HTT: variants seen among roughly 807,000 people sequenced by gnomAD.
HTT encodes huntington disease protein.
In HTT, 104 loss-of-function variants were observed where a neutral mutation model predicts 362.3. The observed-to-expected ratio is 0.29, with a 90% confidence interval of 0.24 to 0.34. The LOEUF (loss-of-function observed/expected upper bound fraction) is 0.34. HTT is among the 10% of genes least tolerant of loss of function. The pLI is 1.00. For synonymous variants in HTT, 1,577 were observed against 1,548.7 expected (o/e 1.02, Z -0.43); for missense variants, 3,301 against 3,928.6 (o/e 0.84, Z 4.27).
Position 3,212,607 on chromosome 4 carries a change from C to G in HTT, c.6672C>G (p.Ala2224=). The part of the protein sequence containing the change: ...LYQSLPTLAR[A]LAQYLVVVSK... ...AGTCCCTGCCCACTCTGGCCCGGGCCCTGGCACAGTACCTGGTGGTGGTCT... is the reference window on the plus strand; with the variant it reads ...AGTCCCTGCCCACTCTGGCCCGGGCGCTGGCACAGTACCTGGTGGTGGTCT... Residue 2224 remains alanine, a synonymous_variant, in exon 49 of 67, where the codon GCC becomes GCG. Coordinates refer to ENST00000355072, the MANE Select transcript of HTT (RefSeq NM_001388492.1). The G allele has an allele frequency of 6.2e-7, 1 of 1,614,220 alleles. No homozygotes were observed. Among genetic ancestry groups the G allele is most frequent in the Non-Finnish European group, 8.5e-7 (1 of 1,180,046 alleles).
At chr4:3,143,454 AAG>A (rs1560567074) in intron 23 of HTT, among the ~76,000 whole-genome samples, 1 of 150,658 alleles carries the variant, frequency 6.6e-6, no homozygotes, top group Non-Finnish European at 1.5e-5. Flanking sequence ...AAAAAAAAAA[AAG>A]AAAAGAAAAA....
At position 3,074,920 on chromosome 4, in the gene HTT, AGC is replaced by A. The variant is rs750382879; in HGVS notation, c.96_97del (p.Gln33AlafsTer49). The stretch of plus-strand genomic sequence containing the variant: ...CAGCAGCAGCAGCAGCAGCAGCAGC[AGC>A]AGCAGCAGCAGCAACAGCCGCCACC... On this transcript the variant is annotated frameshift_variant, in exon 1 of 67. Coordinates refer to ENST00000355072, the MANE Select transcript of HTT (RefSeq NM_001388492.1). LOFTEE classifies it high-confidence loss of function. 2,413 of 1,477,916 alleles carry A rather than the reference AGC, an allele frequency of 1.6e-3. 4 individuals are homozygous for A. The highest frequency in any genetic ancestry group is 7.2e-3 in the African/African-American group (476 of 66,556). 91.6% of individuals were successfully genotyped at this position (1,477,916 alleles called of 1,614,324 possible).
intron 1 of HTT, 114 bp downstream of exon 1, chr4:3,075,202 C>T (rs1578476008): frequency 8.8e-6 from 9 of 1,023,004 alleles, no homozygotes; most frequent in Non-Finnish European, 9.8e-6. Context: ...CCCGCAGAGA[C>T]AGAGTGACCC....
At chr4:3,178,911 C>G (rs1447243849) in intron 35 of HTT, among the ~76,000 whole-genome samples, 2 of 152,302 alleles carry the variant, frequency 1.3e-5, no homozygotes, top group Non-Finnish European at 2.9e-5. Flanking sequence ...TTTGCTGGAG[C>G]TTAAATAAGG....
At position 3,217,876 on chromosome 4, in the gene HTT, C is replaced by T. The variant is rs200455891; in HGVS notation, c.7166C>T (p.Thr2389Met). 365 of 1,614,042 alleles carry T rather than the reference C, an allele frequency of 2.3e-4. No individual in the cohort carries two copies. The highest frequency in any genetic ancestry group is 3.3e-4 in the East Asian group (15 of 44,906). The change falls in exon 52 of 67, where the codon ACG (threonine) becomes ATG (methionine). Residue 2389 changes from threonine (T) to methionine (M), a missense_variant. Coordinates refer to ENST00000355072, the MANE Select transcript of HTT (RefSeq NM_001388492.1). ...KRNSGVPAFL[T>M]PLLRNIIISL... ...AATAGCGGCGTGCCGGCGTTTCTCA[C>T]GCCATTGCTAAGGAACATCATCATC...
chr4:3,170,716 T>C (rs942149901), intron 29 of HTT, among the ~76,000 whole-genome samples: 1 of 152,146 alleles, frequency 6.6e-6, no homozygotes, highest in East Asian at 1.9e-4. Flanking sequence ...AAGCAGCGAG[T>C]TGGGGCAGCC....
chr4:3,209,665 A>T (rs1720045677), intron 46 of HTT, among the ~76,000 whole-genome samples, 162 bp from the exon 47 acceptor site: 1 of 151,880 alleles, frequency 6.6e-6, no homozygotes, highest in Non-Finnish European at 1.5e-5. Context: ...AAAGGGGAAA[A>T]CCTGTGGTGT....
intron 40 of HTT, among the ~76,000 whole-genome samples, chr4:3,192,853 C>G (rs1278708284): frequency 6.6e-6 from 1 of 152,252 alleles, no homozygotes; most frequent in Non-Finnish European, 1.5e-5. Flanking sequence ...TGAGGATACT[C>G]TTGGCGTGGC....
At chr4:3,148,233 T>G in intron 26 of HTT, 26 bp downstream of exon 26, 1 of 1,483,962 alleles carries the variant, frequency 6.7e-7, no homozygotes, top group Non-Finnish European at 9.2e-7. Context: ...GGTGCTGGAT[T>G]CATACAGCCT....
intron 40 of HTT, among the ~76,000 whole-genome samples, chr4:3,195,074 A>C (rs1489677286): frequency 6.6e-6 from 1 of 152,164 alleles, no homozygotes; most frequent in East Asian, 1.9e-4. Flanking sequence ...TTCTCTCATC[A>C]GGCCACTTCT....
intron 8 of HTT, among the ~76,000 whole-genome samples, chr4:3,117,206 T>A (rs1402502073): frequency 6.6e-6 from 1 of 152,190 alleles, no homozygotes; most frequent in African/African-American, 2.4e-5. Flanking sequence ...TTTTTCAGAA[T>A]AAAAGCAGAG....
intron 19 of HTT, among the ~76,000 whole-genome samples, chr4:3,135,100 A>T (rs1715997750): frequency 6.6e-6 from 1 of 152,018 alleles, no homozygotes; most frequent in Admixed American, 6.5e-5. Context: ...GGATAGTGGG[A>T]ATAAAAGAGC....
intron 57 of HTT, 50 bp downstream of exon 57, chr4:3,225,793 A>T (rs748567175): frequency 1.4e-6 from 2 of 1,429,620 alleles, no homozygotes; most frequent in East Asian, 4.7e-5. Flanking sequence ...CTGTCCTCAG[A>T]CTTTGGCGCT....
At chr4:3,080,798 C>A (rs1712855687) in intron 1 of HTT, among the ~76,000 whole-genome samples, 1 of 152,198 alleles carries the variant, frequency 6.6e-6, no homozygotes, top group Admixed American at 6.5e-5. Context: ...CAACTTTATT[C>A]TTTTCCATGT....
chr4:3,238,540 C>T lies in HTT; in HGVS notation c.8985C>T (p.Asn2995=), dbSNP rs1462001937. 6.2e-7 allele frequency: 1 copy of T among 1,613,568 alleles called. No individual in the cohort carries two copies. Among genetic ancestry groups the T allele is most frequent in the Non-Finnish European group, 8.5e-7 (1 of 1,179,732 alleles). The change falls in exon 65 of 67, where the codon AAC becomes AAT. Residue 2995 remains asparagine (N), a synonymous_variant. Transcript: ENST00000355072. ...DDFFPPQDIM[N]KVIGEFLSNQ... ...TCTTCCCACCCCAGGACATCATGAA[C>T]AAAGTCATCGGAGAGTTTCTGTCCA... is the stretch of plus-strand genomic sequence containing the variant.
chr4:3,082,679 C>A (rs545140161), intron 1 of HTT, among the ~76,000 whole-genome samples: 1 of 152,234 alleles, frequency 6.6e-6, no homozygotes, highest in African/African-American at 2.4e-5. Flanking sequence ...GTGCTTAGAC[C>A]TTACCTTTGT....
Position 3,229,029 on chromosome 4 carries a change from C to A in HTT, c.8109+20C>A. The A allele has an allele frequency of 6.2e-7, 1 of 1,605,858 alleles. No individual in the cohort carries two copies. Among genetic ancestry groups the A allele is most frequent in the Non-Finnish European group, 8.5e-7 (1 of 1,173,412 alleles). The stretch of plus-strand genomic sequence containing the variant: ...AGATCCGTAAGTGAGCCTTCCCATT[C>A]CCCTCACACCTGCACGTGCCACACG... On this transcript the variant is annotated intron_variant, in intron 59 of 66. Coordinates refer to ENST00000355072, the MANE Select transcript of HTT (RefSeq NM_001388492.1).
chr4:3,110,451 C>T (rs895039295), intron 6 of HTT, among the ~76,000 whole-genome samples: 1 of 152,170 alleles, frequency 6.6e-6, no homozygotes, highest in Non-Finnish European at 1.5e-5. Context: ...CACTTGTATC[C>T]TAGGACTTCT....
intron 49 of HTT, 95 bp downstream of exon 49, chr4:3,212,804 C>T: frequency 7.7e-7 from 1 of 1,296,134 alleles, no homozygotes; most frequent in South Asian, 1.3e-5. Context: ...AAAGCAAGAT[C>T]TCTGACCAGT....
Sources: allele counts gnomAD v4.1 joint callset (sites outside exome capture counted in the v4.1 genomes callset), GRCh38; gene constraint gnomAD v4.1.1; transcripts MANE v1.5; gene names NCBI Gene and HGNC (gene_info 2026-07-23, HGNC 2026-07-21).